KAT8: variants seen among roughly 807,000 people sequenced by gnomAD.
KAT8 encodes lysine acetyltransferase 8, also known as histone acetyltransferase KAT8.
Under a neutral mutation model 62.9 loss-of-function variants are expected in KAT8, and 40 were observed. The observed-to-expected ratio is 0.64, with a 90% CI of 0.49 to 0.83. The LOEUF is 0.83. Among genes scored for constraint, KAT8 ranks in the 40% least tolerant of loss-of-function variants. The probability of loss-of-function intolerance (pLI) is 0.00; values close to 1 mark genes in which losing one functional copy is unlikely to be tolerated. For synonymous variants in KAT8, 278 were observed against 254.5 expected (o/e 1.09, Z -0.88); for missense variants, 387 against 614.8 (o/e 0.63, Z 3.92).
rs143614134 is a variant in KAT8 at position 31,130,332 on chromosome 16, C to T, written c.978C>T (p.Arg326=). Residue 326 remains arginine, a synonymous_variant, in exon 8 of 11, where the codon CGC becomes CGT. Coordinates refer to ENST00000219797, the MANE Select transcript of KAT8 (RefSeq NM_032188.3). ...TGACCTTGCCCCCCTACCAACGCCGCGGCTACGGGAAGTTCCTCATCGCTT... is the reference window on the plus strand; with the variant it reads ...TGACCTTGCCCCCCTACCAACGCCGTGGCTACGGGAAGTTCCTCATCGCTT... ...CILTLPPYQR[R]GYGKFLIAFS... 1,257 of 1,614,220 alleles carry T rather than the reference C, an allele frequency of 7.8e-4. 12 individuals are homozygous for T. The highest frequency in any genetic ancestry group is 1.2e-3 in the Middle Eastern group (7 of 6,062).
At chr16:31,120,683 AACAG>A (rs1204050583) in intron 3 of KAT8, 169 bp downstream of exon 3, 14 of 641,620 alleles carry the variant, frequency 2.2e-5, no homozygotes, top group Non-Finnish European at 3.1e-5. Flanking sequence ...TAGGTAAGAA[AACAG>A]ACAGAGGGTA....
chr16:31,131,047 C>T (rs899983525), intron 10 of KAT8, 147 bp downstream of exon 10: 4 of 1,502,166 alleles, frequency 2.7e-6, no homozygotes, highest in Non-Finnish European at 3.6e-6. Context: ...GCCTCTCATT[C>T]CTGGGCTTCC....
chr16:31,123,326 C>T (rs1455287624), intron 3 of KAT8, among the ~76,000 whole-genome samples: 1 of 151,576 alleles, frequency 6.6e-6, no homozygotes, highest in Non-Finnish European at 1.5e-5. Context: ...AAGTGAGTTT[C>T]CTGCCGCAGC....
At chr16:31,124,735 A>C (rs1334313409) in intron 3 of KAT8, among the ~76,000 whole-genome samples, 4 of 129,500 alleles carry the variant, frequency 3.1e-5, no homozygotes, top group Non-Finnish European at 6.5e-5. Flanking sequence ...CCATTTCAAA[A>C]AAAAAAAAAA....
At chr16:31,124,822 G>C (rs1022448121) in intron 3 of KAT8, among the ~76,000 whole-genome samples, 1 of 151,048 alleles carries the variant, frequency 6.6e-6, no homozygotes. Context: ...AAGGTCAGAA[G>C]TTCAAGACCA....
chr16:31,129,093 G>C (rs1041808971), intron 6 of KAT8, among the ~76,000 whole-genome samples: 6 of 152,246 alleles, frequency 3.9e-5, no homozygotes, highest in Admixed American at 6.5e-5. Context: ...TAAGACGGGA[G>C]TCATAATATT....
chr16:31,119,204 C>T (rs895318729), intron 1 of KAT8, among the ~76,000 whole-genome samples: 5 of 152,152 alleles, frequency 3.3e-5, no homozygotes, highest in African/African-American at 1.2e-4. Context: ...GGCTGGAGTG[C>T]AGTGGCGCCA....
At chr16:31,121,718 T>G (rs2057494971) in intron 3 of KAT8, among the ~76,000 whole-genome samples, 1 of 152,052 alleles carries the variant, frequency 6.6e-6, no homozygotes, top group Non-Finnish European at 1.5e-5. Context: ...GCCTTGGTTT[T>G]TTCTTGTATT....
chr16:31,130,612 G>A lies in KAT8; in HGVS notation c.1157+6G>A. 6.2e-7 allele frequency: 1 copy of A among 1,613,884 alleles called. No homozygotes were observed. Among genetic ancestry groups the A allele is most frequent in the Non-Finnish European group, 8.5e-7 (1 of 1,179,862 alleles). ...CTGTCCATCAAGGACCTCAGGTGAG[G>A]GGGCCTCCCGGGCCCTGGGGGCAGG... On this transcript the variant is annotated splice_donor_region_variant and intron_variant, in intron 9 of 10. Transcript: ENST00000219797.
chr16:31,124,585 T>C (rs937082378), intron 3 of KAT8, among the ~76,000 whole-genome samples: 1 of 151,690 alleles, frequency 6.6e-6, no homozygotes, highest in African/African-American at 2.4e-5. Flanking sequence ...TACAAAAAAT[T>C]AGCTGGGTGT....
At chr16:31,127,160 A>G (rs769654952) in intron 4 of KAT8, 29 bp from the exon 5 acceptor site, 8 of 1,614,054 alleles carry the variant, frequency 5.0e-6, no homozygotes, top group East Asian at 4.5e-5. Flanking sequence ...TGAGCCGTGC[A>G]CTGTGCCTCA....
chr16:31,125,181 G>T lies in KAT8; in HGVS notation c.463-1854G>T, dbSNP rs1031143561. On this transcript the variant is annotated intron_variant, in intron 3 of 10. Coordinates refer to ENST00000219797, the MANE Select transcript of KAT8 (RefSeq NM_032188.3). The stretch of plus-strand genomic sequence containing the variant: ...CACTCCAGCCTGGGCGACAGAGTGA[G>T]AGTCTATCTCAGAAGAAAAAAAAAA... Among the ~76,000 whole-genome samples, 57 of 151,568 alleles carry T rather than the reference G, an allele frequency of 3.8e-4. No individual in the cohort carries two copies. The Middle Eastern group carries it at 0.01, about 27-fold the overall frequency.
At chr16:31,131,052 G>A (rs1369104906) in intron 10 of KAT8, 143 bp from the exon 11 acceptor site, 22 of 1,502,742 alleles carry the variant, frequency 1.5e-5, no homozygotes, top group Non-Finnish European at 1.9e-5. Context: ...TCATTCCTGG[G>A]CTTCCCTACC....
Position 31,117,701 on chromosome 16 carries a change from CTGCGGCGGT to C in KAT8, c.29_37del (p.Val10_Ala12del). ...CCCGCGATGGCGGCACAGGGAGCTGCTGCGGCGGTTGCGGCGGGGACTTCAGGGGTCGCG... is the reference window on the plus strand; with the variant it reads ...CCCGCGATGGCGGCACAGGGAGCTGCTGCGGCGGGGACTTCAGGGGTCGCG... On this transcript the variant is annotated inframe_deletion, in exon 1 of 11. Coordinates refer to ENST00000219797, the MANE Select transcript of KAT8 (RefSeq NM_032188.3). 1.3e-5 allele frequency: 18 copies of C among 1,402,384 alleles called. No homozygotes were observed. Among genetic ancestry groups the C allele is most frequent in the South Asian group, 3.1e-5 (2 of 65,448 alleles). The allele number at this position is 1,402,384 out of a possible 1,614,324, so 86.9% of individuals were successfully genotyped here. A position where few individuals can be genotyped will look rare whatever the true frequency, so the allele number is the denominator to read the frequency against.
intron 5 of KAT8, among the ~76,000 whole-genome samples, chr16:31,127,813 C>G (rs1317024704): frequency 1.3e-5 from 2 of 152,144 alleles, no homozygotes; most frequent in African/African-American, 2.4e-5. Flanking sequence ...AGAGCCAGGC[C>G]CACAGAGACT....
chr16:31,125,209 AC>A (rs1567435476), intron 3 of KAT8, among the ~76,000 whole-genome samples: 2 of 151,596 alleles, frequency 1.3e-5, no homozygotes, highest in Non-Finnish European at 2.9e-5. Context: ...AAAAAAAAAA[AC>A]ATGTCTGTGC....
In KAT8 at chr16:31,131,015, C is replaced by G. The variant is rs1232455268; in HGVS notation, c.1312+115C>G. 5.9e-6 allele frequency: 9 copies of G among 1,516,436 alleles called. No individual in the cohort carries two copies. The South Asian group carries it at 1.1e-4, about 19-fold the overall frequency. The allele number at this position is 1,516,436 out of a possible 1,614,324, so 93.9% of individuals were successfully genotyped here. ...TGATCCCAAACCAGTCAGACCAGCT[C>G]CCAGGATGGAGCCCGGGGCAGGCCT... On this transcript the variant is annotated intron_variant, in intron 10 of 10. Transcript: ENST00000219797.
In KAT8 at chr16:31,130,788, G is replaced by A. The variant is rs1226794487; in HGVS notation, c.1200G>A (p.Leu400=). 2 of 1,614,016 alleles carry A rather than the reference G, an allele frequency of 1.2e-6. No individual in the cohort carries two copies. The highest frequency in any genetic ancestry group is 1.7e-6 in the Non-Finnish European group (2 of 1,180,024). The change falls in exon 10 of 11, where the codon CTG becomes CTA. Residue 400 remains leucine, a synonymous_variant. Coordinates refer to ENST00000219797, the MANE Select transcript of KAT8 (RefSeq NM_032188.3). ...SITQNDIIST[L]QSLNMVKYWK... The stretch of plus-strand genomic sequence containing the variant: ...CCCAAAATGACATCATCAGTACCCT[G>A]CAATCCCTCAATATGGTCAAGTACT...
chr16:31,122,745 G>A (rs1015819554), intron 3 of KAT8: 1 of 152,080 alleles, frequency 6.6e-6, no homozygotes, highest in East Asian at 1.9e-4. Context: ...GCCGGGCGTG[G>A]TGGCGTGCAC....
Sources: allele counts gnomAD v4.1 joint callset (sites outside exome capture counted in the v4.1 genomes callset), GRCh38; gene constraint gnomAD v4.1.1; transcripts MANE v1.5; gene names NCBI Gene and HGNC (gene_info 2026-07-23, HGNC 2026-07-21).